HIVEP1: variants seen among roughly 807,000 people sequenced by gnomAD.
HIVEP1 encodes HIVEP zinc finger 1, also known as zinc finger protein 40.
HIVEP1 carries 36 observed loss-of-function variants against 180.0 expected under a neutral mutation model. That is an observed-to-expected ratio of 0.20 (90% CI 0.15 to 0.26). The LOEUF (loss-of-function observed/expected upper bound fraction) is 0.26. Ranked by LOEUF, HIVEP1 falls within the 10% of genes least tolerant of loss-of-function variation. The probability of loss-of-function intolerance (pLI) is 1.00; values close to 1 mark genes in which losing one functional copy is unlikely to be tolerated. For missense variants in HIVEP1, 3,143 were observed against 3,268.7 expected, an observed-to-expected ratio of 0.96 and a Z score of 0.94; for synonymous variants, 1,239 against 1,239.0, an observed-to-expected ratio of 1.00 and a Z score of 0.00.
intron 3 of HIVEP1, among the ~76,000 whole-genome samples, chr6:12,100,586 C>T (rs1161821752): frequency 2.0e-5 from 3 of 152,158 alleles, no homozygotes; most frequent in African/African-American, 7.2e-5. Flanking sequence ...TGGAATCTTT[C>T]TCATGAAAGT....
chr6:12,136,164 A>G (rs2113590175), intron 7 of HIVEP1, among the ~76,000 whole-genome samples: 1 of 152,268 alleles, frequency 6.6e-6, no homozygotes, highest in East Asian at 1.9e-4. Context: ...CCATCTGTCT[A>G]GAAAATAAAA....
At chr6:12,034,027 C>T (rs895466526) in intron 2 of HIVEP1, among the ~76,000 whole-genome samples, 6 of 152,168 alleles carry the variant, frequency 3.9e-5, no homozygotes, top group Non-Finnish European at 8.8e-5. Flanking sequence ...AGTCTCTTCA[C>T]CCTGAACTGC....
the HIVEP1 span, among the ~76,000 whole-genome samples, chr6:12,192,836 T>A: frequency 6.6e-6 from 1 of 151,660 alleles, no homozygotes; most frequent in Non-Finnish European, 1.5e-5. Context: ...TTAAGTTCTA[T>A]TTTGAAACAT....
chr6:12,124,033 T>C lies in HIVEP1; in HGVS notation c.4238T>C (p.Val1413Ala). ...CAGCCTCCATCTTCACCTTCTCGAG[T>C]GGGAGTGACTGGGCATGTGCCTCTC... ...ELQPPSSPSR[V>A]GVTGHVPLLE... The change falls in exon 4 of 9, where the codon GTG (valine) becomes GCG (alanine). Residue 1413 changes from valine (V) to alanine (A), a missense_variant. Physicochemically the swap from Val to Ala is moderately conservative, Grantham distance 64. Transcript: ENST00000379388. 1 of 1,613,710 alleles carries C rather than the reference T, an allele frequency of 6.2e-7. No homozygotes were observed. The highest frequency in any genetic ancestry group is 8.5e-7 in the Non-Finnish European group (1 of 1,179,908).
chr6:12,128,504 T>C (rs1758226237), intron 4 of HIVEP1, among the ~76,000 whole-genome samples: 2 of 152,174 alleles, frequency 1.3e-5, no homozygotes, highest in Non-Finnish European at 2.9e-5. Context: ...AAGCCCTTGG[T>C]AGGAAAAGTT....
At position 12,125,495 on chromosome 6, in the gene HIVEP1, T is replaced by C. The variant is rs370164550; in HGVS notation, c.5700T>C (p.Val1900=). The change falls in exon 4 of 9, where the codon GTT becomes GTC. Residue 1900 remains valine (V), a synonymous_variant. Transcript: ENST00000379388. ...ACCAAGAAAGGAAGTCTCCAGGGGT[T>C]AAAAATCAAGGTGACAAAGTGAACA... The part of the protein sequence containing the change: ...DNNQERKSPG[V]KNQGDKVNIQ... 1.2e-4 allele frequency: 194 copies of C among 1,614,014 alleles called. No homozygotes were observed. Among genetic ancestry groups the C allele is most frequent in the Non-Finnish European group, 1.6e-4 (185 of 1,180,008 alleles).
Position 12,123,869 on chromosome 6 carries a change from A to G in HIVEP1, c.4074A>G (p.Gly1358=), listed in dbSNP as rs1345188749. ...PAGLNTLNVP[G]CHREMRRTAS... ...GCTTGAATACTCTGAATGTTCCTGG[A>G]TGTCACCGGGAAATGAGGCGTACTG... The change falls in exon 4 of 9, where the codon GGA becomes GGG. Residue 1358 remains glycine, a synonymous_variant. Coordinates refer to ENST00000379388, the MANE Select transcript of HIVEP1 (RefSeq NM_002114.4). 1 of 1,614,010 alleles carries G rather than the reference A, an allele frequency of 6.2e-7. No individual in the cohort carries two copies. The highest frequency in any genetic ancestry group is 8.5e-7 in the Non-Finnish European group (1 of 1,179,906).
At chr6:12,130,009 A>G in intron 5 of HIVEP1, 117 bp downstream of exon 5, 1 of 681,586 alleles carries the variant, frequency 1.5e-6, no homozygotes, top group Non-Finnish European at 2.6e-6. Context: ...AAGGTTTCTC[A>G]GCATATTAAC....
At chr6:12,023,053 A>C (rs1249912664) in intron 2 of HIVEP1, among the ~76,000 whole-genome samples, 1 of 152,176 alleles carries the variant, frequency 6.6e-6, no homozygotes, top group African/African-American at 2.4e-5. Context: ...CTCTTTTAAA[A>C]AATGTCGGTG....
At chr6:12,177,083 T>C in the HIVEP1 span, among the ~76,000 whole-genome samples, 1 of 152,200 alleles carries the variant, frequency 6.6e-6, no homozygotes, top group Non-Finnish European at 1.5e-5. Context: ...AAACACTGCA[T>C]GCTCTCTCTT....
intron 2 of HIVEP1, among the ~76,000 whole-genome samples, chr6:12,067,245 T>G (rs1418128793): frequency 5.9e-5 from 9 of 152,188 alleles, no homozygotes; most frequent in Admixed American, 5.9e-4. Flanking sequence ...TTCTTTATGT[T>G]TTAACCATTT....
At chr6:12,130,702 A>T in intron 5 of HIVEP1, 65 bp from the exon 6 acceptor site, 1 of 869,220 alleles carries the variant, frequency 1.2e-6, no homozygotes, top group Non-Finnish European at 1.7e-6. Flanking sequence ...TTGAATTTTA[A>T]TCATCAATAT....
intron 3 of HIVEP1, among the ~76,000 whole-genome samples, chr6:12,109,019 G>A (rs776715099): frequency 4.0e-5 from 6 of 151,828 alleles, no homozygotes; most frequent in Non-Finnish European, 7.4e-5. Context: ...TCGCTCTGTC[G>A]CCCAGGCTGG....
chr6:12,119,448 C>G (rs984151277), intron 3 of HIVEP1, among the ~76,000 whole-genome samples: 1 of 152,210 alleles, frequency 6.6e-6, no homozygotes, highest in Non-Finnish European at 1.5e-5. Flanking sequence ...TTCAACCAGT[C>G]AACCAGTTTT....
chr6:12,183,233 A>G, the HIVEP1 span, among the ~76,000 whole-genome samples: 1 of 152,348 alleles, frequency 6.6e-6, no homozygotes, highest in South Asian at 2.1e-4. Flanking sequence ...AAACTTGAGA[A>G]CAAGAGAACA....
chr6:12,010,701 C>T (rs1312139357), upstream of HIVEP1, among the ~76,000 whole-genome samples: 5 of 151,984 alleles, frequency 3.3e-5, no homozygotes, highest in African/African-American at 1.2e-4. Flanking sequence ...TGAGGTGGAC[C>T]TGTGGAATTT....
chr6:12,116,505 C>T (rs190986834), intron 3 of HIVEP1, among the ~76,000 whole-genome samples: 336 of 151,970 alleles, frequency 2.2e-3, no homozygotes, highest in Non-Finnish European at 4.0e-3. Context: ...CTTCTGTTTG[C>T]ATCTCTCACA....
chr6:12,168,963 G>A (rs1207030873), downstream of HIVEP1, among the ~76,000 whole-genome samples: 2 of 144,472 alleles, frequency 1.4e-5, no homozygotes, highest in Non-Finnish European at 3.2e-5. Context: ...TCTCAGCTCA[G>A]TGCAACCTCT....
the HIVEP1 span, among the ~76,000 whole-genome samples, chr6:12,191,242 T>C: frequency 1.3e-5 from 2 of 152,212 alleles, no homozygotes; most frequent in Admixed American, 1.3e-4. Flanking sequence ...AGGAGCACTG[T>C]TACTTTGTCT....
Sources: gnomAD v4.1 joint callset for allele counts (sites outside exome capture counted in the v4.1 genomes callset) on GRCh38, gnomAD v4.1.1 for gene constraint, MANE v1.5 for transcripts, NCBI Gene and HGNC (gene_info 2026-07-23, HGNC 2026-07-21) for gene names.